EYA1: variants seen among roughly 807,000 people sequenced by gnomAD.
EYA1 encodes protein phosphatase EYA1.
EYA1 carries 16 observed loss-of-function variants against 82.0 expected under a neutral mutation model. The ratio of observed to expected loss-of-function variants is 0.20; its 90% CI spans 0.13 to 0.30. EYA1 has a LOEUF of 0.30. Ranked by LOEUF, EYA1 falls within the 10% of genes least tolerant of loss-of-function variation. EYA1 has a pLI of 1.00. For synonymous variants in EYA1, 261 were observed against 264.4 expected, an observed-to-expected ratio of 0.99 and a Z score of 0.12; for missense variants, 633 against 730.7, an observed-to-expected ratio of 0.87 and a Z score of 1.54.
At chr8:71,362,070 AACCCTAG>A (rs1010456965), upstream of EYA1, 6 of 984,486 alleles carry the variant, frequency 6.1e-6, no homozygotes, top group African/African-American at 1.1e-4. Flanking sequence ...AGCATCTGAG[AACCCTAG>A]ACAAAGAAAC....
intron 2 of EYA1, 138 bp from the exon 3 acceptor site, chr8:71,355,047 C>T (rs916013796): frequency 4.6e-6 from 4 of 872,568 alleles, no homozygotes; most frequent in Non-Finnish European, 7.5e-6. Context: ...CAAAATAATT[C>T]ATCTCACATT....
At chr8:71,390,929 T>G (rs2129110002) in intron 2 of EYA1, among the ~76,000 whole-genome samples, 1 of 152,246 alleles carries the variant, frequency 6.6e-6, no homozygotes, top group South Asian at 2.1e-4. Flanking sequence ...CAGTGGAATT[T>G]TATTTAATAT....
At chr8:71,408,902 C>A (rs1411625958) in intron 2 of EYA1, among the ~76,000 whole-genome samples, 1 of 110,224 alleles carries the variant, frequency 9.1e-6, no homozygotes, top group East Asian at 2.2e-4. Context: ...CTCTCCACCC[C>A]AAATCAACAG....
At chr8:71,344,078 C>T (rs1276073064) in intron 3 of EYA1, among the ~76,000 whole-genome samples, 8 of 152,064 alleles carry the variant, frequency 5.3e-5, no homozygotes, top group Non-Finnish European at 1.0e-4. Flanking sequence ...TACACTTCCC[C>T]TAAACACTTC....
intron 2 of EYA1, among the ~76,000 whole-genome samples, chr8:71,507,762 A>G (rs1324036610): frequency 6.6e-6 from 1 of 152,212 alleles, no homozygotes; most frequent in African/African-American, 2.4e-5. Context: ...ACCAGTGGGT[A>G]TAGTGTGCTA....
At chr8:71,479,053 A>G (rs1450346141) in intron 2 of EYA1, among the ~76,000 whole-genome samples, 1 of 152,132 alleles carries the variant, frequency 6.6e-6, no homozygotes, top group Non-Finnish European at 1.5e-5. Context: ...AGCCTTAACC[A>G]GGTCCTGTGA....
At chr8:71,502,797 C>G (rs1443824707) in intron 2 of EYA1, among the ~76,000 whole-genome samples, 1 of 152,204 alleles carries the variant, frequency 6.6e-6, no homozygotes, top group Non-Finnish European at 1.5e-5. Flanking sequence ...GTCAACAACT[C>G]TGCTACAATC....
At chr8:71,494,564 A>G (rs974817574) in intron 2 of EYA1, among the ~76,000 whole-genome samples, 1 of 152,188 alleles carries the variant, frequency 6.6e-6, no homozygotes, top group African/African-American at 2.4e-5. Flanking sequence ...GGGCAAAGGA[A>G]TTTTAAGAAA....
chr8:71,438,199 T>C (rs1487827258), intron 2 of EYA1, among the ~76,000 whole-genome samples: 2 of 152,118 alleles, frequency 1.3e-5, no homozygotes, highest in Non-Finnish European at 2.9e-5. Flanking sequence ...GCCTTTAATT[T>C]ATATTTTCTT....
chr8:71,372,577 G>A (rs1395431987), intron 2 of EYA1, among the ~76,000 whole-genome samples: 1 of 152,072 alleles, frequency 6.6e-6, no homozygotes, highest in Non-Finnish European at 1.5e-5. Flanking sequence ...ATTCTAGAAT[G>A]ATAGCTATAC....
rs371795980 is a variant in EYA1, at chr8:71,381,479, A to C, written c.34-24968T>G. On this transcript the variant is annotated intron_variant, in intron 2 of 18. Coordinates refer to the EYA1 transcript ENST00000643681. ...AAAAAGGAAAGAGGAGAATATAACC[A>C]GGGGTCAGGCTGAAGCCTCAGGCAA... Among the ~76,000 whole-genome samples the C allele has an allele frequency of 6.6e-5, 10 of 152,326 alleles. No individual in the cohort carries two copies. In the East Asian group the frequency reaches 1.5e-3, roughly 24 times the overall value.
intron 4 of EYA1, among the ~76,000 whole-genome samples, chr8:71,332,349 C>A (rs1230346929): frequency 1.3e-5 from 2 of 152,132 alleles, no homozygotes; most frequent in Non-Finnish European, 2.9e-5. Context: ...GTAGATGCTG[C>A]CTCACAGTCA....
At chr8:71,451,724 A>C (rs770750046) in intron 2 of EYA1, among the ~76,000 whole-genome samples, 7 of 152,150 alleles carry the variant, frequency 4.6e-5, no homozygotes, top group Non-Finnish European at 1.0e-4. Flanking sequence ...TGATTTATGA[A>C]ATTTTTAGTC....
chr8:71,525,176 C>T (rs1025618507), intron 2 of EYA1, among the ~76,000 whole-genome samples: 1 of 152,190 alleles, frequency 6.6e-6, no homozygotes, highest in African/African-American at 2.4e-5. Context: ...CCAACACAAG[C>T]GTTCCATCGC....
At chr8:71,482,350 G>A (rs1428365984) in intron 2 of EYA1, among the ~76,000 whole-genome samples, 3 of 152,146 alleles carry the variant, frequency 2.0e-5, no homozygotes, top group African/African-American at 7.2e-5. Context: ...ACATACCACT[G>A]TTCATCTACT....
chr8:71,351,364 G>A (rs1463239341), intron 3 of EYA1, among the ~76,000 whole-genome samples: 1 of 152,112 alleles, frequency 6.6e-6, no homozygotes, highest in Non-Finnish European at 1.5e-5. Flanking sequence ...TTCTTACAGT[G>A]CTTTCCTCAT....
At chr8:71,519,033 C>T (rs1813195422) in intron 2 of EYA1, among the ~76,000 whole-genome samples, 1 of 152,110 alleles carries the variant, frequency 6.6e-6, no homozygotes, top group Admixed American at 6.5e-5. Flanking sequence ...ATGTACTGTA[C>T]AGTTTGGTTA....
At chr8:71,409,985 G>A (rs1830492073) in intron 2 of EYA1, among the ~76,000 whole-genome samples, 1 of 150,192 alleles carries the variant, frequency 6.7e-6, no homozygotes, top group African/African-American at 2.5e-5. Context: ...ATAAAATACT[G>A]GCAAACCGAA....
chr8:71,273,008 C>T (rs759023318), intron 9 of EYA1, among the ~76,000 whole-genome samples: 4 of 152,208 alleles, frequency 2.6e-5, no homozygotes, highest in Non-Finnish European at 5.9e-5. Flanking sequence ...AGGCCATCCA[C>T]GTGTCAAACT....
Sources: gnomAD v4.1 joint callset for allele counts (sites outside exome capture counted in the v4.1 genomes callset) on GRCh38, gnomAD v4.1.1 for gene constraint, MANE v1.5 for transcripts, NCBI Gene and HGNC (gene_info 2026-07-23, HGNC 2026-07-21) for gene names.